Variants in TNFSF11 observed in about 807,000 individuals in gnomAD.
The protein encoded by TNFSF11 is tumor necrosis factor ligand superfamily member 11.
In TNFSF11, 12 loss-of-function variants were observed where a neutral mutation model predicts 32.2. The observed-to-expected ratio is 0.37, with a 90% CI of 0.24 to 0.60. The LOEUF (loss-of-function observed/expected upper bound fraction) is 0.60. TNFSF11 is among the 20% of genes least tolerant of loss of function. The probability of loss-of-function intolerance (pLI) is 0.66; values close to 1 mark genes in which losing one functional copy is unlikely to be tolerated. For missense variants in TNFSF11, 345 were observed against 398.0 expected (o/e 0.87, Z 1.13); for synonymous variants, 172 against 152.1 (o/e 1.13, Z -0.96).
upstream of TNFSF11, among the ~76,000 whole-genome samples, chr13:42,572,954 C>T: frequency 6.6e-6 from 1 of 152,198 alleles, no homozygotes; most frequent in Non-Finnish European, 1.5e-5. Flanking sequence ...CCCGCAAATA[C>T]CAAAATCCAT....
intron 2 of TNFSF11, among the ~76,000 whole-genome samples, chr13:42,590,386 C>T (rs1874109985): frequency 6.6e-6 from 1 of 152,166 alleles, no homozygotes; most frequent in South Asian, 2.1e-4. Flanking sequence ...AGCGTGAACA[C>T]GTTAGGGACC....
Position 42,581,135 on chromosome 13 carries a change from A to C in TNFSF11, c.229A>C (p.Asn77His). ...TGTTTCTCCTCCTCAGATGGATCCT[A>C]ATAGAATATCAGAAGATGGCACTCA... is the stretch of plus-strand genomic sequence containing the variant. ...FFYFRAQMDP[N>H]RISEDGTHCI... Residue 77 changes from asparagine (N) to histidine (H), a missense_variant, in exon 2 of 5, where the codon AAT becomes CAT. Asn to His is a moderately conservative substitution (Grantham distance 68, BLOSUM62 1). Transcript: ENST00000398795. 1 of 1,614,056 alleles carries C rather than the reference A, an allele frequency of 6.2e-7. No homozygotes were observed. Among genetic ancestry groups the C allele is most frequent in the Non-Finnish European group, 8.5e-7 (1 of 1,179,938 alleles).
At chr13:42,604,999 G>A (rs1488203548) in intron 4 of TNFSF11, among the ~76,000 whole-genome samples, 1 of 152,020 alleles carries the variant, frequency 6.6e-6, no homozygotes, top group Admixed American at 6.6e-5. Context: ...TGACCAGGCT[G>A]GTCTCGAACT....
chr13:42,601,509 A>G (rs1869173580), intron 4 of TNFSF11, among the ~76,000 whole-genome samples: 1 of 152,204 alleles, frequency 6.6e-6, no homozygotes, highest in Non-Finnish European at 1.5e-5. Context: ...GATGGACTAG[A>G]GACCTGATTA....
intron 1 of TNFSF11, among the ~76,000 whole-genome samples, chr13:42,565,497 A>G (rs1343457560): frequency 3.0e-4 from 45 of 152,192 alleles, no homozygotes; most frequent in South Asian, 2.1e-4. Flanking sequence ...TATGCCTACC[A>G]TAGTACCAGA....
intron 1 of TNFSF11, among the ~76,000 whole-genome samples, chr13:42,566,305 T>C (rs1181135488): frequency 1.3e-5 from 2 of 152,180 alleles, no homozygotes; most frequent in Non-Finnish European, 2.9e-5. Context: ...ACTTCATGGA[T>C]GTCTACCATT....
intron 4 of TNFSF11, among the ~76,000 whole-genome samples, chr13:42,603,356 G>C (rs1328616747): frequency 6.6e-6 from 1 of 152,164 alleles, no homozygotes; most frequent in Non-Finnish European, 1.5e-5. Flanking sequence ...TAGGGCAGGG[G>C]AGGCTGGGAA....
chr13:42,580,305 C>G (rs542872008), intron 1 of TNFSF11, among the ~76,000 whole-genome samples: 1 of 152,338 alleles, frequency 6.6e-6, no homozygotes, highest in African/African-American at 2.4e-5. Flanking sequence ...TATTCTAATG[C>G]TGGACACCTA....
At chr13:42,606,347 TC>T (rs1869450709) in intron 4 of TNFSF11, 149 bp from the exon 5 acceptor site, 1 of 955,856 alleles carries the variant, frequency 1.0e-6, no homozygotes, top group African/African-American at 1.6e-5. Context: ...GAATGTATTC[TC>T]CCCTTCTAGA....
At position 42,574,211 on chromosome 13, in the gene TNFSF11, G is replaced by A. The variant is rs894576021; in HGVS notation, c.-93G>A. 4.5e-5 allele frequency: 68 copies of A among 1,503,342 alleles called. No homozygotes were observed. In the East Asian group the frequency reaches 1.5e-3, roughly 33 times the overall value. The allele number at this position is 1,503,342 out of a possible 1,614,324, so 93.1% of individuals were successfully genotyped here. A position where few individuals can be genotyped will look rare whatever the true frequency, so the allele number is the denominator to read the frequency against. ...GGGCTCCAAGTCGGCGCCCCACGTCGAGGCTCCGCCGCAGCCTCCGGAGTT... is the reference window on the plus strand; with the variant it reads ...GGGCTCCAAGTCGGCGCCCCACGTCAAGGCTCCGCCGCAGCCTCCGGAGTT... On this transcript the variant is annotated 5_prime_UTR_variant, in exon 1 of 5. Transcript: ENST00000398795.
Position 42,606,914 on chromosome 13 carries a change from A to G in TNFSF11, c.950A>G (p.Asp317Gly), listed in dbSNP as rs1470764670. 1.2e-6 allele frequency: 2 copies of G among 1,614,144 alleles called. No homozygotes were observed. Among genetic ancestry groups the G allele is most frequent in the Non-Finnish European group, 1.7e-6 (2 of 1,180,030 alleles). ...GGGGCTTTTAAAGTTCGAGATATAGATTGAGCCCCAGTTTTTGGAGTGTTA... is the reference window on the plus strand; with the variant it reads ...GGGGCTTTTAAAGTTCGAGATATAGGTTGAGCCCCAGTTTTTGGAGTGTTA... ...YFGAFKVRDI[D>G] The change falls in exon 5 of 5, where the codon GAT becomes GGT. Residue 317 changes from aspartate to glycine, a missense_variant. Around this residue, in one of 2 missense-constraint regions of TNFSF11, gnomAD observed 148 missense variants for 216.0 expected, o/e 0.69. Transcript: ENST00000398795.
rs1454685212 is a variant in TNFSF11 at position 42,607,609 on chromosome 13, A to G, written c.*691A>G. 6.5e-6 allele frequency: 1 copy of G among 152,804 alleles called. No individual in the cohort carries two copies. The highest frequency in any genetic ancestry group is 2.4e-5 in the African/African-American group (1 of 41,468). 9.5% of individuals were successfully genotyped at this position (152,804 alleles called of 1,614,324 possible). ...AATGTTGTTTCCTAATATCAAATGC[A>G]GTATATTTCTTCGTTCTTTTTAAGT... On this transcript the variant is annotated 3_prime_UTR_variant, in exon 5 of 5. Transcript: ENST00000398795.
chr13:42,567,071 CA>C (rs997958909), intron 2 of TNFSF11, among the ~76,000 whole-genome samples: 2 of 151,722 alleles, frequency 1.3e-5, no homozygotes, highest in African/African-American at 2.4e-5. Context: ...CCTAATATGG[CA>C]AAAATAAGAG....
intron 2 of TNFSF11, among the ~76,000 whole-genome samples, chr13:42,583,255 TA>T (rs1195175714): frequency 1.3e-5 from 2 of 148,426 alleles, no homozygotes; most frequent in Admixed American, 6.7e-5. Context: ...CTACAAAAAG[TA>T]AAAAAAATTA....
chr13:42,565,452 CA>C (rs1872837078), intron 1 of TNFSF11, among the ~76,000 whole-genome samples: 2 of 151,968 alleles, frequency 1.3e-5, no homozygotes, highest in African/African-American at 4.8e-5. Flanking sequence ...TTTGTGGGGA[CA>C]ACAATTATCT....
At chr13:42,585,301 G>T (rs1873836039) in intron 2 of TNFSF11, among the ~76,000 whole-genome samples, 1 of 152,188 alleles carries the variant, frequency 6.6e-6, no homozygotes, top group Non-Finnish European at 1.5e-5. Flanking sequence ...AAAATTACAT[G>T]TGTGGCTGCA....
At chr13:42,600,059 A>G (rs757314754) in intron 2 of TNFSF11, among the ~76,000 whole-genome samples, 6 of 152,208 alleles carry the variant, frequency 3.9e-5, no homozygotes, top group African/African-American at 7.2e-5. Flanking sequence ...ATGTCTGGAT[A>G]CAGGTGGGCA....
Position 42,606,841 on chromosome 13 carries a change from G to T in TNFSF11, c.877G>T (p.Val293Phe). Residue 293 changes from valine (V) to phenylalanine (F), a missense_variant, in exon 5 of 5, where the codon GTC becomes TTC. Around this residue, in one of 2 missense-constraint regions of TNFSF11, gnomAD observed 148 missense variants for 216.0 expected, o/e 0.69. Coordinates refer to ENST00000398795, the MANE Select transcript of TNFSF11 (RefSeq NM_003701.4). ...LRSGEEISIE[V>F]SNPSLLDPDQ... Reference sequence around the variant, plus strand: ...GTCTGGAGAGGAAATCAGCATCGAGGTCTCCAACCCCTCCTTACTGGATCC... The same window carrying T: ...GTCTGGAGAGGAAATCAGCATCGAGTTCTCCAACCCCTCCTTACTGGATCC... 6.2e-7 allele frequency: 1 copy of T among 1,613,850 alleles called. No individual in the cohort carries two copies. Among genetic ancestry groups the T allele is most frequent in the Non-Finnish European group, 8.5e-7 (1 of 1,179,930 alleles).
At chr13:42,594,947 T>TA (rs1868717146) in intron 2 of TNFSF11, among the ~76,000 whole-genome samples, 2 of 101,142 alleles carry the variant, frequency 2.0e-5, no homozygotes, top group African/African-American at 3.5e-5. Context: ...AAGTTGAAAT[T>TA]TAAAAAAAAA....
Sources: allele counts gnomAD v4.1 joint callset (sites outside exome capture counted in the v4.1 genomes callset), GRCh38; gene constraint gnomAD v4.1.1; regional missense constraint gnomAD v4.1.1; transcripts MANE v1.5; gene names NCBI Gene and HGNC (gene_info 2026-07-23, HGNC 2026-07-21).